CHMP1A: variants seen among roughly 807,000 people sequenced by gnomAD.
CHMP1A encodes charged multivesicular body protein 1A.
CHMP1A carries 17 observed loss-of-function variants against 27.0 expected under a neutral mutation model. That is an observed-to-expected ratio of 0.63 (90% CI 0.43 to 0.95). The LOEUF (loss-of-function observed/expected upper bound fraction) is 0.95, where lower values mean the gene tolerates loss of function less well. Among genes scored for constraint, CHMP1A ranks in the 40% least tolerant of loss-of-function variants. CHMP1A has a pLI of 0.00. For synonymous variants in CHMP1A, 131 were observed against 107.5 expected (o/e 1.22, Z -1.35); for missense variants, 275 against 264.0 (o/e 1.04, Z -0.29).
intron 3 of CHMP1A, among the ~76,000 whole-genome samples, chr16:89,649,811 C>A (rs767312801): frequency 3.9e-5 from 6 of 152,176 alleles, no homozygotes; most frequent in Non-Finnish European, 7.3e-5. Flanking sequence ...CTCCTGACCT[C>A]GTGATCTGCC....
Position 89,649,639 on chromosome 16 carries a change from G to A in CHMP1A, c.106-142C>T, listed in dbSNP as rs139789687. 3.2e-3 allele frequency: 3,041 copies of A among 958,212 alleles called. 68 individuals are homozygous for A. In the African/African-American group the frequency reaches 0.042, roughly 13 times the overall value. 59.4% of individuals were successfully genotyped at this position (958,212 alleles called of 1,614,324 possible). ...TGCCCAGGCTGGAGTGCAGTGGCAC[G>A]ATCTCGACTCAACGCAAGCTCCGCC... On this transcript the variant is annotated intron_variant, in intron 3 of 6. Coordinates refer to ENST00000397901, the MANE Select transcript of CHMP1A (RefSeq NM_002768.5).
chr16:89,654,810 G>A (rs1568005041), intron 1 of CHMP1A, among the ~76,000 whole-genome samples: 1 of 152,032 alleles, frequency 6.6e-6, no homozygotes, highest in Non-Finnish European at 1.5e-5. Flanking sequence ...AGGCGTGGTG[G>A]CGGGCGCCTG....
intron 4 of CHMP1A, 53 bp from the exon 5 acceptor site, chr16:89,647,384 A>C: frequency 3.2e-3 from 4,856 of 1,516,784 alleles, no homozygotes; most frequent in Non-Finnish European, 4.0e-3. Context: ...AGTGGAGCTC[A>C]CGCACCAGGG....
At position 89,648,667 on chromosome 16, in the gene CHMP1A, G is replaced by T. The variant is rs576545664; in HGVS notation, c.252+684C>A. On this transcript the variant is annotated intron_variant, in intron 4 of 6. Coordinates refer to ENST00000397901, the MANE Select transcript of CHMP1A (RefSeq NM_002768.5). ...GCACTTTGGGAGGCCGAGGTGGGAA[G>T]ATTGCTTGAGGCCAGGAGTTTGAGA... Among the ~76,000 whole-genome samples the T allele has an allele frequency of 6.6e-5, 10 of 152,312 alleles. No homozygotes were observed. In the East Asian group the frequency reaches 1.7e-3, roughly 26 times the overall value.
chr16:89,645,293 G>C lies in CHMP1A; in HGVS notation c.*773C>G, dbSNP rs150081320. The C allele has an allele frequency of 2.0e-5, 3 of 152,762 alleles. No individual in the cohort carries two copies. In the East Asian group the frequency reaches 5.8e-4, roughly 29 times the overall value. 9.5% of individuals were successfully genotyped at this position (152,762 alleles called of 1,614,324 possible). On this transcript the variant is annotated 3_prime_UTR_variant, in exon 7 of 7. Coordinates refer to ENST00000397901, the MANE Select transcript of CHMP1A (RefSeq NM_002768.5). ...CACCCGCTGGGACCGCAGCCTGCTG[G>C]TGGACAGGCTCCCTGTCGAGGAGAC...
Position 89,646,080 on chromosome 16 carries a change from C to A in CHMP1A, c.577G>T (p.Ala193Ser), listed in dbSNP as rs1057108932. Residue 193 changes from alanine (A) to serine (S), a missense_variant, in exon 7 of 7, where the codon GCC (alanine) becomes TCC (serine). Transcript: ENST00000397901. ...QEDQLSRRLA[A>S]LRN is the part of the protein sequence containing the mutation. ...GCGGGGCACGGCTAGTTCCTCAAGG[C>A]GGCCAACCTGGAAACCAACAACAGG... The A allele has an allele frequency of 6.5e-7, 1 of 1,544,604 alleles. No homozygotes were observed. The highest frequency in any genetic ancestry group is 2.0e-5 in the Admixed American group (1 of 50,046).
Position 89,645,940 on chromosome 16 carries a change from A to T in CHMP1A, c.*126T>A, listed in dbSNP as rs747262339. On this transcript the variant is annotated 3_prime_UTR_variant, in exon 7 of 7. Coordinates refer to ENST00000397901, the MANE Select transcript of CHMP1A (RefSeq NM_002768.5). Reference sequence around the variant, plus strand: ...TAAGGCCACGCAGGCCTGGCAGGTGAGAGACGCAGAGTGGCTGCCGGCCGC... The same window carrying T: ...TAAGGCCACGCAGGCCTGGCAGGTGTGAGACGCAGAGTGGCTGCCGGCCGC... The T allele has an allele frequency of 6.2e-7, 1 of 1,611,328 alleles. No individual in the cohort carries two copies. The highest frequency in any genetic ancestry group is 8.5e-7 in the Non-Finnish European group (1 of 1,179,020).
chr16:89,654,226 G>A (rs1038782679), intron 1 of CHMP1A, among the ~76,000 whole-genome samples: 31 of 152,220 alleles, frequency 2.0e-4, no homozygotes, highest in African/African-American at 6.8e-4. Context: ...GGACAGAAGA[G>A]GTCATGGACG....
In CHMP1A at chr16:89,646,805, C is replaced by A. The variant is rs1163760634; in HGVS notation, c.382-91G>T. ...CAAGGGTACGACTGCACTTTTCGTT[C>A]CCTCACACAGCCAGCCACCTTCTTG... On this transcript the variant is annotated intron_variant, in intron 5 of 6. Coordinates refer to ENST00000397901, the MANE Select transcript of CHMP1A (RefSeq NM_002768.5). 15 of 1,364,032 alleles carry A rather than the reference C, an allele frequency of 1.1e-5. No homozygotes were observed. In the East Asian group the frequency reaches 3.8e-4, roughly 34 times the overall value. 84.5% of individuals were successfully genotyped at this position (1,364,032 alleles called of 1,614,324 possible).
Position 89,657,675 on chromosome 16 carries a change from C to G in CHMP1A, c.-87G>C, listed in dbSNP as rs1003731873. ...AGGTCCCGGCGGCGATCGAACCGAC[C>G]AAGCTGCACCCGGCGGGGACTTCCG... On this transcript the variant is annotated 5_prime_UTR_variant, in exon 1 of 7. Coordinates refer to ENST00000397901, the MANE Select transcript of CHMP1A (RefSeq NM_002768.5). 10 of 1,560,696 alleles carry G rather than the reference C, an allele frequency of 6.4e-6. 1 individual carries two copies. The highest frequency in any genetic ancestry group is 3.5e-5 in the Admixed American group (2 of 57,228).
chr16:89,649,142 C>T (rs1242693805), intron 4 of CHMP1A: 9 of 359,960 alleles, frequency 2.5e-5, no homozygotes, highest in African/African-American at 1.2e-4. Flanking sequence ...TCCCACCCCA[C>T]GCTGATCCAG....
At chr16:89,650,909 T>C (rs1478171298) in intron 3 of CHMP1A, among the ~76,000 whole-genome samples, 1 of 151,994 alleles carries the variant, frequency 6.6e-6, no homozygotes, top group Admixed American at 6.5e-5. Context: ...AGGAAAACAA[T>C]GAAGGCAATG....
chr16:89,646,748 G>T, intron 5 of CHMP1A, 34 bp from the exon 6 acceptor site: 1 of 1,595,610 alleles, frequency 6.3e-7, no homozygotes, highest in Non-Finnish European at 8.5e-7. Context: ...ACAACAGGTG[G>T]GGCCAGGCCC....
chr16:89,647,049 GCAGGGACCCAGCA>G, intron 5 of CHMP1A, 141 bp downstream of exon 5: 2 of 1,529,280 alleles, frequency 1.3e-6, no homozygotes, highest in Non-Finnish European at 1.8e-6. Flanking sequence ...CAGGGTCCTG[GCAGGGACCCAGCA>G]CAGAGGATGC....
chr16:89,655,074 T>A (rs2059854139), intron 1 of CHMP1A, among the ~76,000 whole-genome samples: 1 of 152,140 alleles, frequency 6.6e-6, no homozygotes, highest in African/African-American at 2.4e-5. Context: ...AACGAGGAAA[T>A]GGAGCCTGTA....
rs968863856 is a variant in CHMP1A at position 89,647,351 on chromosome 16, A to G, written c.253-20T>C. 2 of 1,597,578 alleles carry G rather than the reference A, an allele frequency of 1.3e-6. No individual in the cohort carries two copies. Among genetic ancestry groups the G allele is most frequent in the Non-Finnish European group, 8.6e-7 (1 of 1,168,056 alleles). ...GGTCACCTGAGACAGGAGAGAGCGC[A>G]GGAGGGAACAGGATGAAAGGCAAGT... is the stretch of plus-strand genomic sequence containing the variant. On this transcript the variant is annotated intron_variant, in intron 4 of 6. Transcript: ENST00000397901.
intron 3 of CHMP1A, among the ~76,000 whole-genome samples, chr16:89,650,504 G>C (rs921522556): frequency 2.0e-5 from 3 of 152,156 alleles, no homozygotes; most frequent in African/African-American, 7.2e-5. Flanking sequence ...AGGGAGGAGA[G>C]AGCTAAAAAT....
rs963695089 is a variant in CHMP1A, at chr16:89,647,214, C to T, written c.370G>A (p.Val124Ile). 1.1e-5 allele frequency: 17 copies of T among 1,608,876 alleles called. No individual in the cohort carries two copies. The highest frequency in any genetic ancestry group is 5.3e-5 in the African/African-American group (4 of 74,856). ...RFEQQVQNLD[V>I]HTSVMEDSMS... ...TAGGGGCCACATACCGATGTATGGA[C>T]GTCCAGGTTCTGCACCTGCTGCTCG... The change falls in exon 5 of 7, where the codon GTC (valine) becomes ATC (isoleucine). Residue 124 changes from valine (V) to isoleucine (I), a missense_variant. Transcript: ENST00000397901.
At chr16:89,652,555 T>C (rs1261225555) in intron 2 of CHMP1A, among the ~76,000 whole-genome samples, 1 of 142,042 alleles carries the variant, frequency 7.0e-6, no homozygotes, top group South Asian at 2.4e-4. Context: ...ACAGACGCCC[T>C]GGTACCAGGT....
Sources: allele counts gnomAD v4.1 joint callset (sites outside exome capture counted in the v4.1 genomes callset), GRCh38; gene constraint gnomAD v4.1.1; transcripts MANE v1.5; gene names NCBI Gene and HGNC (gene_info 2026-07-23, HGNC 2026-07-21).